The following DOCK4 variants were observed in gnomAD, a reference collection of about 807,000 sequenced individuals.
DOCK4 encodes the protein dedicator of cytokinesis 4, also known as dedicator of cytokinesis protein 4.
In DOCK4, 97 loss-of-function variants were observed where a neutral mutation model predicts 268.1. The observed-to-expected ratio is 0.36, with a 90% CI of 0.31 to 0.43. DOCK4 has a LOEUF of 0.43. DOCK4 is among the 20% of genes least tolerant of loss of function. The pLI is 1.00. For synonymous variants in DOCK4, 954 were observed against 887.2 expected (o/e 1.08, Z -1.34); for missense variants, 2,145 against 2,455.7 (o/e 0.87, Z 2.67).
At chr7:111,912,193 G>A (rs1249947572) in intron 13 of DOCK4, among the ~76,000 whole-genome samples, 1 of 152,198 alleles carries the variant, frequency 6.6e-6, no homozygotes, top group African/African-American at 2.4e-5. Flanking sequence ...TATGCCAGGT[G>A]CCTTGTCAGA....
At chr7:112,088,226 T>C (rs927696761) in intron 1 of DOCK4, among the ~76,000 whole-genome samples, 2 of 152,104 alleles carry the variant, frequency 1.3e-5, no homozygotes, top group African/African-American at 2.4e-5. Flanking sequence ...TTTTAATACA[T>C]GGTCATTCTT....
At chr7:112,002,873 A>T (rs2135308524) in intron 2 of DOCK4, among the ~76,000 whole-genome samples, 2 of 152,070 alleles carry the variant, frequency 1.3e-5, no homozygotes, top group Middle Eastern at 6.8e-3. Context: ...AACATGGTGA[A>T]ATCCCATCTC....
chr7:112,044,365 G>A (rs564020638), intron 1 of DOCK4, among the ~76,000 whole-genome samples: 4 of 152,144 alleles, frequency 2.6e-5, no homozygotes, highest in African/African-American at 9.6e-5. Flanking sequence ...TGTGTCCTTG[G>A]GCACCTCATT....
At chr7:111,750,027 T>A (rs1796529703) in intron 42 of DOCK4, among the ~76,000 whole-genome samples, 1 of 152,232 alleles carries the variant, frequency 6.6e-6, no homozygotes, top group South Asian at 2.1e-4. Context: ...TCACCAAGAA[T>A]TACTTTCCTC....
chr7:111,768,648 T>C (rs1039628211), intron 37 of DOCK4, among the ~76,000 whole-genome samples: 1 of 152,196 alleles, frequency 6.6e-6, no homozygotes, highest in Non-Finnish European at 1.5e-5. Context: ...GGAGGTGATG[T>C]ACTGAATTGC....
chr7:111,926,979 C>G lies in DOCK4; in HGVS notation c.1066+8561G>C, dbSNP rs144009291. 3.3e-5 allele frequency among the ~76,000 whole-genome samples: 5 copies of G among 152,164 alleles called. No homozygotes were observed. In the East Asian group the frequency reaches 7.7e-4, roughly 24 times the overall value. On this transcript the variant is annotated intron_variant, in intron 12 of 52. Transcript: ENST00000428084. ...ACACTTTTATTTCTTAATAGTCATA[C>G]CTTGGTTTCTGAGTTTTAGCCAGTA... is the stretch of plus-strand genomic sequence containing the variant.
rs3055494 is a variant in DOCK4, at chr7:111,908,461, A to AAATAATAATAATAAT, written c.1193-6675_1193-6661dup. The stretch of plus-strand genomic sequence containing the variant: ...AGACTCCGTCTCAAAAAAATAAATA[A>AAATAATAATAATAAT]AATAATAATAATAATAATAATGAAA... On this transcript the variant is annotated intron_variant, in intron 13 of 52. Coordinates refer to ENST00000428084, the MANE Select transcript of DOCK4 (RefSeq NM_001363540.2). 9.6e-3 allele frequency among the ~76,000 whole-genome samples: 1,435 copies of AAATAATAATAATAAT among 150,220 alleles called. 18 individuals are homozygous for AAATAATAATAATAAT. The highest frequency in any genetic ancestry group is 0.031 in the African/African-American group (1,278 of 40,748).
chr7:111,755,420 G>A, intron 42 of DOCK4, 95 bp downstream of exon 42: 4 of 1,199,938 alleles, frequency 3.3e-6, no homozygotes, highest in Admixed American at 3.8e-5. Context: ...TGCTTCCAGA[G>A]AATCTGGGTC....
At chr7:111,743,864 G>T (rs1256029567) in intron 44 of DOCK4, among the ~76,000 whole-genome samples, 1 of 152,170 alleles carries the variant, frequency 6.6e-6, no homozygotes, top group Non-Finnish European at 1.5e-5. Context: ...CTGCTGCCCA[G>T]GAAGGAATGC....
intron 13 of DOCK4, among the ~76,000 whole-genome samples, chr7:111,911,630 C>T (rs2134494503): frequency 6.6e-6 from 1 of 152,290 alleles, no homozygotes; most frequent in South Asian, 2.1e-4. Context: ...CCTTATTCCA[C>T]AGAAGTTCAT....
intron 30 of DOCK4, among the ~76,000 whole-genome samples, chr7:111,804,084 C>T (rs751696816): frequency 6.7e-4 from 102 of 152,312 alleles, no homozygotes; most frequent in Admixed American, 1.4e-3. Flanking sequence ...AATTCCACTT[C>T]TGGCTATGTA....
At chr7:111,747,164 T>C (rs1796332741) in intron 43 of DOCK4, 103 bp downstream of exon 43, 4 of 1,087,688 alleles carry the variant, frequency 3.7e-6, no homozygotes, top group Admixed American at 2.9e-5. Flanking sequence ...CGCAGCCCTA[T>C]GTTTGCGTGC....
intron 17 of DOCK4, among the ~76,000 whole-genome samples, chr7:111,876,331 T>C (rs1022028302): frequency 6.6e-6 from 1 of 152,134 alleles, no homozygotes; most frequent in Admixed American, 6.6e-5. Context: ...CAAATGCTGT[T>C]CTCTGACACA....
At chr7:112,152,856 A>C (rs1211001945) in intron 1 of DOCK4, among the ~76,000 whole-genome samples, 2 of 152,190 alleles carry the variant, frequency 1.3e-5, no homozygotes, top group African/African-American at 4.8e-5. Context: ...CTTAAGTAGT[A>C]AAATGTGAAA....
intron 1 of DOCK4, among the ~76,000 whole-genome samples, chr7:112,104,609 A>C (rs1233690886): frequency 6.6e-6 from 1 of 152,196 alleles, no homozygotes; most frequent in Non-Finnish European, 1.5e-5. Flanking sequence ...CATCTCCTGT[A>C]TTGGAGAGCA....
In DOCK4 at chr7:111,952,648, C is replaced by T. The variant is rs76177329; in HGVS notation, c.702-6850G>A. Among the ~76,000 whole-genome samples the T allele has an allele frequency of 6.4e-4, 97 of 152,172 alleles. No homozygotes were observed. In the East Asian group the frequency reaches 0.017, roughly 26 times the overall value. ...AAAATATATGACTGGGTAATATCTT[C>T]GGTTGAAACATGTTGTGAGAAAGAT... On this transcript the variant is annotated intron_variant, in intron 8 of 52. Transcript: ENST00000428084.
intron 1 of DOCK4, among the ~76,000 whole-genome samples, chr7:112,161,938 G>A (rs970191870): frequency 2.0e-5 from 3 of 152,138 alleles, no homozygotes; most frequent in Non-Finnish European, 2.9e-5. Context: ...ATCCAGACTG[G>A]TTTCAACTTC....
intron 1 of DOCK4, among the ~76,000 whole-genome samples, chr7:112,007,318 GGAATGAAT>G (rs72228459): frequency 1.8e-4 from 28 of 151,858 alleles, no homozygotes; most frequent in Admixed American, 7.2e-4. Context: ...ACAAATACAT[GGAATGAAT>G]GAATGAATGA....
At position 111,727,023 on chromosome 7, in the gene DOCK4, T is replaced by C. The variant is rs1248804251; in HGVS notation, c.*1251A>G. The C allele has an allele frequency of 1.3e-5, 2 of 152,604 alleles. No homozygotes were observed. Among genetic ancestry groups the C allele is most frequent in the African/African-American group, 4.8e-5 (2 of 41,434 alleles). 9.5% of individuals were successfully genotyped at this position (152,604 alleles called of 1,614,324 possible). On this transcript the variant is annotated 3_prime_UTR_variant, in exon 53 of 53. Transcript: ENST00000428084. ...TTTAACAGTATGATTTAAAATACAG[T>C]TCATATCTATTGTCAATTGAGTGTT... is the stretch of plus-strand genomic sequence containing the variant.
Sources: allele counts gnomAD v4.1 joint callset (sites outside exome capture counted in the v4.1 genomes callset), GRCh38; gene constraint gnomAD v4.1.1; transcripts MANE v1.5; gene names NCBI Gene and HGNC (gene_info 2026-07-23, HGNC 2026-07-21).